FAM78B: variants seen among roughly 807,000 people sequenced by gnomAD.
FAM78B encodes the protein protein FAM78B.
FAM78B carries 10 observed loss-of-function variants against 20.0 expected under a neutral mutation model. The ratio of observed to expected loss-of-function variants is 0.50; its 90% CI spans 0.31 to 0.85. The LOEUF is 0.85. Ranked by LOEUF, FAM78B falls within the 40% of genes least tolerant of loss-of-function variation. The pLI is 0.05. For missense variants in FAM78B, 283 were observed against 345.0 expected (o/e 0.82, Z 1.42); for synonymous variants, 135 against 132.8 (o/e 1.02, Z -0.12).
At chr1:166,090,446 G>C (rs1295353328) in intron 1 of FAM78B, among the ~76,000 whole-genome samples, 2 of 152,144 alleles carry the variant, frequency 1.3e-5, no homozygotes, top group African/African-American at 2.4e-5. Context: ...AGGGGAAGTA[G>C]GTGTCAGGAA....
chr1:166,057,060 A>G (rs183982906), downstream of FAM78B, among the ~76,000 whole-genome samples: 32 of 152,304 alleles, frequency 2.1e-4, no homozygotes, highest in African/African-American at 7.2e-4. Context: ...CAGAGCCTTG[A>G]TCGTGGACTT....
intron 1 of FAM78B, 77 bp downstream of exon 1, chr1:166,165,909 C>G (rs918285828): frequency 1.2e-5 from 19 of 1,556,546 alleles, no homozygotes; most frequent in African/African-American, 1.4e-5. Context: ...TAGGAAGGAG[C>G]TGGGGAGGGG....
At chr1:166,112,077 C>T (rs1654077678) in intron 1 of FAM78B, among the ~76,000 whole-genome samples, 1 of 152,262 alleles carries the variant, frequency 6.6e-6, no homozygotes, top group African/African-American at 2.4e-5. Context: ...AGCAGCCTAG[C>T]CTCTCTGGCA....
At chr1:166,087,204 T>TAC (rs1466343407) in intron 1 of FAM78B, 1 of 152,198 alleles carries the variant, frequency 6.6e-6, no homozygotes, top group Non-Finnish European at 1.5e-5. Flanking sequence ...TAGCTGGGAT[T>TAC]ACAGGCGCCC....
chr1:166,070,215 CCA>C lies in FAM78B; in HGVS notation c.*24_*25del, dbSNP rs1171622016. 1.6e-5 allele frequency: 24 copies of C among 1,505,190 alleles called. No individual in the cohort carries two copies. Among genetic ancestry groups the C allele is most frequent in the Non-Finnish European group, 2.0e-5 (22 of 1,126,100 alleles). The allele number at this position is 1,505,190 out of a possible 1,614,324, so 93.2% of individuals were successfully genotyped here. On this transcript the variant is annotated 3_prime_UTR_variant, in exon 2 of 2. Coordinates refer to ENST00000354422, the MANE Select transcript of FAM78B (RefSeq NM_001017961.5). ...ACTGCATGTCTCAGAGGCGTGTGAT[CCA>C]CACACAGTCAGGCCAGTCTGCTTCT...
Position 166,073,247 on chromosome 1 carries a change from T to C in FAM78B, c.264-2484A>G, listed in dbSNP as rs1026874367. Among the ~76,000 whole-genome samples, 28 of 152,326 alleles carry C rather than the reference T, an allele frequency of 1.8e-4. 1 individual carries two copies. Among genetic ancestry groups the C allele is most frequent in the Admixed American group, 1.7e-3 (26 of 15,306 alleles). ...AGTGACATTGGAGGTTACACTTTAG[T>C]TCCATCCACACTGTTGTTACTTCTG... On this transcript the variant is annotated intron_variant, in intron 1 of 1. Transcript: ENST00000354422.
chr1:166,152,534 T>G (rs1025196697), intron 1 of FAM78B, among the ~76,000 whole-genome samples: 2 of 152,156 alleles, frequency 1.3e-5, no homozygotes, highest in Admixed American at 1.3e-4. Context: ...ACTCCCTCTC[T>G]GCTGCAGACT....
At position 166,104,156 on chromosome 1, in the gene FAM78B, C is replaced by T. The variant is rs1389889586; in HGVS notation, c.264-33393G>A. On this transcript the variant is annotated intron_variant, in intron 1 of 1. Coordinates refer to ENST00000354422, the MANE Select transcript of FAM78B (RefSeq NM_001017961.5). The stretch of plus-strand genomic sequence containing the variant: ...AGGCTTTTGACAAAATTCAACAGCC[C>T]TTCATGCTAAAAACTCTCAATAAAT... Among the ~76,000 whole-genome samples the T allele has an allele frequency of 2.6e-5, 4 of 152,164 alleles. No individual in the cohort carries two copies. The South Asian group carries it at 8.3e-4, about 31-fold the overall frequency.
At chr1:166,121,495 G>T (rs778575543) in intron 1 of FAM78B, among the ~76,000 whole-genome samples, 5 of 152,178 alleles carry the variant, frequency 3.3e-5, no homozygotes, top group Non-Finnish European at 5.9e-5. Flanking sequence ...GAAGGGTATG[G>T]GTCTGTGTTC....
At chr1:166,073,214 T>C (rs891176804) in intron 1 of FAM78B, among the ~76,000 whole-genome samples, 5 of 152,194 alleles carry the variant, frequency 3.3e-5, no homozygotes, top group Non-Finnish European at 5.9e-5. Flanking sequence ...CATGTAGTCA[T>C]TGGGAATAGT....
Position 166,097,579 on chromosome 1 carries a change from C to T in FAM78B, c.264-26816G>A, listed in dbSNP as rs148515343. On this transcript the variant is annotated intron_variant, in intron 1 of 1. Coordinates refer to ENST00000354422, the MANE Select transcript of FAM78B (RefSeq NM_001017961.5). ...TGAGACCAACCAGCCCTTTGGGTTG[C>T]GTGGGAGCTGGGTAAGGCCTGTGAC... is the stretch of plus-strand genomic sequence containing the variant. Among the ~76,000 whole-genome samples the T allele has an allele frequency of 8.9e-3, 1,361 of 152,226 alleles. 11 individuals are homozygous for T. The highest frequency in any genetic ancestry group is 0.015 in the Non-Finnish European group (1,010 of 67,988).
intron 1 of FAM78B, among the ~76,000 whole-genome samples, chr1:166,114,920 T>C (rs1484389930): frequency 6.6e-6 from 1 of 152,168 alleles, no homozygotes; most frequent in Non-Finnish European, 1.5e-5. Flanking sequence ...AGGGAGATAG[T>C]CTGGTCTTCT....
chr1:166,125,119 T>C (rs1259735115), intron 1 of FAM78B, among the ~76,000 whole-genome samples: 3 of 152,210 alleles, frequency 2.0e-5, no homozygotes, highest in Admixed American at 6.5e-5. Context: ...AGGCCTATGT[T>C]GGGGTATGCA....
chr1:166,090,599 G>GAGAT (rs1653028765), intron 1 of FAM78B, among the ~76,000 whole-genome samples: 2 of 152,172 alleles, frequency 1.3e-5, no homozygotes, highest in South Asian at 4.2e-4. Flanking sequence ...AGCCACCTCA[G>GAGAT]AGATATGGCT....
At chr1:166,125,281 C>T (rs1428284420) in intron 1 of FAM78B, among the ~76,000 whole-genome samples, 1 of 152,136 alleles carries the variant, frequency 6.6e-6, no homozygotes, top group Non-Finnish European at 1.5e-5. Context: ...CCATTGGATG[C>T]CCCCTGACTC....
intron 1 of FAM78B, among the ~76,000 whole-genome samples, chr1:166,092,487 C>A (rs1490757211): frequency 6.6e-6 from 1 of 152,208 alleles, no homozygotes; most frequent in African/African-American, 2.4e-5. Flanking sequence ...TTCTGTAGGC[C>A]CCTTGCTGTG....
chr1:166,136,365 AG>A (rs1655063168), intron 1 of FAM78B, among the ~76,000 whole-genome samples: 1 of 152,182 alleles, frequency 6.6e-6, no homozygotes, highest in African/African-American at 2.4e-5. Context: ...CTGAGCCTGC[AG>A]GGACAGGGTG....
chr1:166,161,157 C>CTTT (rs201739007), intron 1 of FAM78B, among the ~76,000 whole-genome samples: 2 of 145,446 alleles, frequency 1.4e-5, no homozygotes, highest in Non-Finnish European at 3.0e-5. Context: ...GATTTTCTTT[C>CTTT]TTTTTTTTTT....
At chr1:166,109,882 G>GTATGTGTATATATA (rs1653965206) in intron 1 of FAM78B, among the ~76,000 whole-genome samples, 1 of 12,272 alleles carries the variant, frequency 8.1e-5, no homozygotes, top group African/African-American at 1.5e-4. Flanking sequence ...ATATATATAT[G>GTATGTGTATATATA]TATATATGTA....
Sources: gnomAD v4.1 joint callset for allele counts (sites outside exome capture counted in the v4.1 genomes callset) on GRCh38, gnomAD v4.1.1 for gene constraint, MANE v1.5 for transcripts, NCBI Gene and HGNC (gene_info 2026-07-23, HGNC 2026-07-21) for gene names.